SPMIP2: variants seen among roughly 807,000 people sequenced by gnomAD.
The protein encoded by SPMIP2 is sperm microtubule inner protein 2.
chr4:158,901,515 C>G, the SPMIP2 span, among the ~76,000 whole-genome samples: 1 of 152,008 alleles, frequency 6.6e-6, no homozygotes. Flanking sequence ...TCTGTATTTC[C>G]TGAATTTGAA....
At chr4:159,022,535 GC>G in the SPMIP2 span, among the ~76,000 whole-genome samples, 1 of 152,146 alleles carries the variant, frequency 6.6e-6, no homozygotes, top group East Asian at 1.9e-4. Flanking sequence ...TCACTGGACT[GC>G]CTGCATCACA....
At chr4:159,023,075 AT>A in the SPMIP2 span, among the ~76,000 whole-genome samples, 4 of 124,952 alleles carry the variant, frequency 3.2e-5, no homozygotes, top group Middle Eastern at 4.4e-3. Context: ...ATAAAATAAA[AT>A]AAAATAAAAA....
At chr4:159,020,887 G>C in the SPMIP2 span, among the ~76,000 whole-genome samples, 14 of 151,998 alleles carry the variant, frequency 9.2e-5, no homozygotes, top group East Asian at 1.4e-3. Flanking sequence ...TCAGCCTCCC[G>C]AGTAGCTGGG....
the SPMIP2 span, chr4:158,895,699 T>C: frequency 2.7e-6 from 3 of 1,109,816 alleles, no homozygotes; most frequent in Non-Finnish European, 4.1e-6. Flanking sequence ...CTTAAAATAT[T>C]GGCAGAGATT....
chr4:158,985,931 A>C, the SPMIP2 span, among the ~76,000 whole-genome samples: 48,452 of 144,176 alleles, frequency 0.34, 8,352 homozygotes, highest in South Asian at 0.41. Context: ...GCAACTTCAG[A>C]AAAGTCTCAG....
At chr4:158,974,987 A>T in the SPMIP2 span, among the ~76,000 whole-genome samples, 1 of 152,198 alleles carries the variant, frequency 6.6e-6, no homozygotes, top group Non-Finnish European at 1.5e-5. Context: ...TGACTTTTTA[A>T]TAATCGCCAT....
chr4:158,933,456 T>C, the SPMIP2 span, among the ~76,000 whole-genome samples: 1 of 152,190 alleles, frequency 6.6e-6, no homozygotes, highest in East Asian at 1.9e-4. Flanking sequence ...AAATTGCCTT[T>C]TCCTTTTGTT....
the SPMIP2 span, among the ~76,000 whole-genome samples, chr4:159,059,798 C>T: frequency 9.8e-4 from 149 of 152,286 alleles, 1 homozygote; most frequent in Middle Eastern, 3.4e-3. Context: ...CAGGCTGACT[C>T]CTAAAAAATG....
the SPMIP2 span, among the ~76,000 whole-genome samples, chr4:159,072,768 C>A: frequency 1.3e-5 from 2 of 151,864 alleles, no homozygotes; most frequent in African/African-American, 4.8e-5. Flanking sequence ...TTTTCAGTGT[C>A]CCAAATTCTT....
the SPMIP2 span, among the ~76,000 whole-genome samples, chr4:158,989,411 C>T: frequency 2.0e-5 from 3 of 152,038 alleles, no homozygotes; most frequent in Non-Finnish European, 4.4e-5. Flanking sequence ...AAAAAAGAGC[C>T]CACATAGCCA....
the SPMIP2 span, among the ~76,000 whole-genome samples, chr4:158,976,035 C>A: frequency 6.6e-6 from 1 of 152,048 alleles, no homozygotes; most frequent in African/African-American, 2.4e-5. Flanking sequence ...AGCTGTATTC[C>A]TATGTATTTT....
At chr4:159,053,586 T>G in the SPMIP2 span, among the ~76,000 whole-genome samples, 3 of 152,154 alleles carry the variant, frequency 2.0e-5, no homozygotes, top group Non-Finnish European at 4.4e-5. Context: ...GTGTTTTGTT[T>G]CTGAGTTCCC....
At chr4:158,964,016 A>T in the SPMIP2 span, among the ~76,000 whole-genome samples, 9 of 152,038 alleles carry the variant, frequency 5.9e-5, 1 homozygote, top group Admixed American at 1.3e-4. Flanking sequence ...TTAGCCAGGC[A>T]TGGTGGCGGG....
the SPMIP2 span, among the ~76,000 whole-genome samples, chr4:159,008,331 A>G: frequency 0.99 from 150,602 of 152,336 alleles, 74,460 homozygotes; most frequent in East Asian, 1. Flanking sequence ...CCAGCACTTT[A>G]GGAGGCCAAG....
At chr4:158,986,837 A>T in the SPMIP2 span, among the ~76,000 whole-genome samples, 1 of 147,776 alleles carries the variant, frequency 6.8e-6, no homozygotes, top group African/African-American at 2.5e-5. Flanking sequence ...CATCAGAGCG[A>T]ACAGGCAACC....
chr4:159,066,709 G>A, the SPMIP2 span, among the ~76,000 whole-genome samples: 1 of 151,444 alleles, frequency 6.6e-6, no homozygotes, highest in African/African-American at 2.4e-5. Context: ...GACCCTCTGT[G>A]GAAGAAAACA....
chr4:159,039,654 C>G, the SPMIP2 span, among the ~76,000 whole-genome samples: 1 of 152,236 alleles, frequency 6.6e-6, no homozygotes, highest in Non-Finnish European at 1.5e-5. Flanking sequence ...GAACTCATTA[C>G]TGGGACTAAA....
chr4:159,062,697 G>GTCTCTCACTCTCTCTCTCTCTCTC, the SPMIP2 span, among the ~76,000 whole-genome samples: 1 of 95,112 alleles, frequency 1.1e-5, no homozygotes. Flanking sequence ...TTGAAACAGG[G>GTCTCTCACTCTCTCTCTCTCTCTC]TCTCTCTCTC....
the SPMIP2 span, among the ~76,000 whole-genome samples, chr4:159,067,099 A>G: frequency 6.6e-6 from 1 of 151,974 alleles, no homozygotes; most frequent in Admixed American, 6.5e-5. Flanking sequence ...GCCAGCAGAC[A>G]TGGGAGGAAT....
Sources: allele counts gnomAD v4.1 joint callset (sites outside exome capture counted in the v4.1 genomes callset), GRCh38; gene constraint gnomAD v4.1.1; transcripts MANE v1.5; gene names NCBI Gene and HGNC (gene_info 2026-07-23, HGNC 2026-07-21).